RIMS1: variants seen among roughly 807,000 people sequenced by gnomAD.
RIMS1 encodes the protein regulating synaptic membrane exocytosis protein 1.
RIMS1 carries 83 observed loss-of-function variants against 214.1 expected under a neutral mutation model. That is an observed-to-expected ratio of 0.39 (90% confidence interval 0.32 to 0.47). The LOEUF (loss-of-function observed/expected upper bound fraction) is 0.47, where lower values mean the gene tolerates loss of function less well. Among genes scored for constraint, RIMS1 ranks in the 20% least tolerant of loss-of-function variants. RIMS1 has a pLI of 0.99. For synonymous variants in RIMS1, 793 were observed against 786.8 expected, an observed-to-expected ratio of 1.01 and a Z score of -0.13; for missense variants, 2,050 against 2,161.8, an observed-to-expected ratio of 0.95 and a Z score of 1.03.
intron 4 of RIMS1, among the ~76,000 whole-genome samples, chr6:72,171,991 A>T (rs2047095011): frequency 6.6e-6 from 1 of 152,218 alleles, no homozygotes; most frequent in African/African-American, 2.4e-5. Context: ...AATAGATGAT[A>T]TAAAATGAAA....
intron 4 of RIMS1, among the ~76,000 whole-genome samples, chr6:72,166,867 A>G (rs2046342491): frequency 6.6e-6 from 1 of 152,176 alleles, no homozygotes; most frequent in African/African-American, 2.4e-5. Context: ...TACATATACT[A>G]TCATAACTTC....
At chr6:72,338,957 T>G (rs77189984) in intron 29 of RIMS1, among the ~76,000 whole-genome samples, 3,134 of 151,892 alleles carry the variant, frequency 0.021, 55 homozygotes, top group Middle Eastern at 0.037. Flanking sequence ...ATGTGGTTAG[T>G]ACATGCTAGG....
At chr6:72,363,279 A>G (rs1200324361) in intron 29 of RIMS1, among the ~76,000 whole-genome samples, 3 of 152,188 alleles carry the variant, frequency 2.0e-5, no homozygotes, top group African/African-American at 7.2e-5. Context: ...AAAGTAGAGT[A>G]TAGGGAGAAA....
chr6:72,008,656 A>G (rs973450626), intron 2 of RIMS1, among the ~76,000 whole-genome samples: 2 of 152,232 alleles, frequency 1.3e-5, no homozygotes, highest in Non-Finnish European at 2.9e-5. Context: ...AAAACAAAAA[A>G]AGGCAGGGGT....
At chr6:72,074,598 G>A (rs1831341881) in intron 2 of RIMS1, among the ~76,000 whole-genome samples, 1 of 152,196 alleles carries the variant, frequency 6.6e-6, no homozygotes, top group Non-Finnish European at 1.5e-5. Context: ...CTGGGAAGTC[G>A]AAGCTGCAGT....
At chr6:72,304,464 TA>T (rs1412989849) in intron 26 of RIMS1, among the ~76,000 whole-genome samples, 1 of 151,834 alleles carries the variant, frequency 6.6e-6, no homozygotes, top group African/African-American at 2.4e-5. Flanking sequence ...ATTCTCCATA[TA>T]AATCATATAA....
chr6:72,358,192 T>C (rs2097707906), intron 29 of RIMS1, among the ~76,000 whole-genome samples: 1 of 152,074 alleles, frequency 6.6e-6, no homozygotes, highest in Admixed American at 6.6e-5. Context: ...GCTGATAGAT[T>C]AGAAGCATAG....
At chr6:72,389,814 T>C (rs1240193188) in intron 29 of RIMS1, among the ~76,000 whole-genome samples, 1 of 152,206 alleles carries the variant, frequency 6.6e-6, no homozygotes, top group African/African-American at 2.4e-5. Context: ...TTCCATGCTA[T>C]GAATAGAATG....
intron 4 of RIMS1, among the ~76,000 whole-genome samples, chr6:72,131,783 A>G (rs2040483583): frequency 2.0e-5 from 3 of 152,150 alleles, no homozygotes; most frequent in Non-Finnish European, 2.9e-5. Context: ...TGGGAGCACT[A>G]TGGGAGACTG....
intron 29 of RIMS1, among the ~76,000 whole-genome samples, chr6:72,376,934 T>C (rs1459617559): frequency 6.6e-5 from 10 of 152,172 alleles, no homozygotes; most frequent in Non-Finnish European, 1.2e-4. Context: ...TTACGAAGCA[T>C]GGGACAGTTT....
intron 29 of RIMS1, among the ~76,000 whole-genome samples, chr6:72,360,392 T>C (rs1025624752): frequency 6.6e-6 from 1 of 152,228 alleles, no homozygotes; most frequent in Non-Finnish European, 1.5e-5. Context: ...TGTTAGCATC[T>C]GCTTTCAAAC....
chr6:72,181,601 A>G (rs1211021060), intron 5 of RIMS1, among the ~76,000 whole-genome samples: 1 of 152,250 alleles, frequency 6.6e-6, no homozygotes, highest in Admixed American at 6.5e-5. Flanking sequence ...AAATTTGAAG[A>G]AGATTGATAG....
At chr6:71,930,323 G>T (rs2150891609) in intron 1 of RIMS1, among the ~76,000 whole-genome samples, 1 of 151,982 alleles carries the variant, frequency 6.6e-6, no homozygotes, top group African/African-American at 2.4e-5. Flanking sequence ...ATTTATTTTA[G>T]AATATTTTTA....
intron 2 of RIMS1, among the ~76,000 whole-genome samples, chr6:72,028,910 T>C (rs1378325496): frequency 6.6e-6 from 1 of 152,190 alleles, no homozygotes; most frequent in Non-Finnish European, 1.5e-5. Context: ...GGACACTAGC[T>C]TTACTTATAG....
intron 2 of RIMS1, among the ~76,000 whole-genome samples, chr6:71,978,805 A>G (rs1051707815): frequency 1.3e-5 from 2 of 152,162 alleles, no homozygotes; most frequent in Non-Finnish European, 2.9e-5. Flanking sequence ...GTAGGGATCA[A>G]TATCAATTTT....
At chr6:72,179,030 A>G (rs2048097393) in intron 4 of RIMS1, among the ~76,000 whole-genome samples, 2 of 152,212 alleles carry the variant, frequency 1.3e-5, no homozygotes, top group Admixed American at 6.5e-5. Flanking sequence ...TAGAGAAAAT[A>G]TACACATTGA....
intron 29 of RIMS1, among the ~76,000 whole-genome samples, chr6:72,355,383 A>G (rs1298527263): frequency 6.6e-6 from 1 of 152,222 alleles, no homozygotes; most frequent in East Asian, 1.9e-4. Context: ...AAGAAAATAT[A>G]TGTATTTACA....
intron 5 of RIMS1, 110 bp from the exon 6 acceptor site, chr6:72,182,174 T>G: frequency 8.2e-7 from 1 of 1,224,248 alleles, no homozygotes; most frequent in Non-Finnish European, 1.1e-6. Context: ...CAAATCCCTA[T>G]AACTAATTAT....
intron 29 of RIMS1, among the ~76,000 whole-genome samples, chr6:72,335,686 C>G (rs2096820857): frequency 6.6e-6 from 1 of 152,038 alleles, no homozygotes; most frequent in Non-Finnish European, 1.5e-5. Flanking sequence ...TACATTCCCA[C>G]CAACAGTGTA....
Sources: allele counts gnomAD v4.1 joint callset (sites outside exome capture counted in the v4.1 genomes callset), GRCh38; gene constraint gnomAD v4.1.1; transcripts MANE v1.5; gene names NCBI Gene and HGNC (gene_info 2026-07-23, HGNC 2026-07-21).